The following ADAMTS18 variants were observed in gnomAD, a reference collection of about 807,000 sequenced individuals.
ADAMTS18 encodes A disintegrin and metalloproteinase with thrombospondin motifs 18.
In ADAMTS18, 157 loss-of-function variants were observed where a neutral mutation model predicts 165.9. That is an observed-to-expected ratio of 0.95 (90% CI 0.83 to 1.08). The LOEUF is 1.08. Among genes scored for constraint, ADAMTS18 ranks in the 50% least tolerant of loss-of-function variants. The pLI is 0.00. For missense variants in ADAMTS18, 2,040 were observed against 1,534.0 expected (o/e 1.33, Z -5.51); for synonymous variants, 782 against 578.2 (o/e 1.35, Z -5.06).
At chr16:77,382,167 G>A (rs1177655306) in intron 3 of ADAMTS18, among the ~76,000 whole-genome samples, 1 of 152,162 alleles carries the variant, frequency 6.6e-6, no homozygotes, top group Non-Finnish European at 1.5e-5. Context: ...CAGCCCCTGA[G>A]ATAGCCAAAT....
intron 4 of ADAMTS18, 136 bp downstream of exon 4, chr16:77,367,305 A>G (rs1010031499): frequency 1.2e-5 from 11 of 903,484 alleles, no homozygotes; most frequent in Non-Finnish European, 1.9e-5. Context: ...TGAGAGAGAT[A>G]ATTACTGGTC....
At chr16:77,434,528 G>A (rs1410770228) in intron 1 of ADAMTS18, 23 bp from the exon 2 acceptor site, 2 of 1,542,900 alleles carry the variant, frequency 1.3e-6, no homozygotes, top group Non-Finnish European at 1.7e-6. Context: ...AGGTGACATC[G>A]CGCGTGAGGG....
chr16:77,398,307 A>G (rs2057284329), intron 3 of ADAMTS18, among the ~76,000 whole-genome samples: 1 of 151,116 alleles, frequency 6.6e-6, no homozygotes, highest in South Asian at 2.1e-4. Flanking sequence ...ACAGAGAGAC[A>G]CTCTGTCTCA....
chr16:77,394,831 T>C (rs1597219508), intron 3 of ADAMTS18, among the ~76,000 whole-genome samples: 2 of 152,218 alleles, frequency 1.3e-5, no homozygotes, highest in East Asian at 3.9e-4. Flanking sequence ...GATGGTCCTT[T>C]AGCATCCGTG....
Position 77,393,045 on chromosome 16 carries a change from G to A in ADAMTS18, c.496-25322C>T, listed in dbSNP as rs368619610. 1.2e-3 allele frequency among the ~76,000 whole-genome samples: 189 copies of A among 152,310 alleles called. No individual in the cohort carries two copies. In the South Asian group the frequency reaches 0.02, roughly 16 times the overall value. On this transcript the variant is annotated intron_variant, in intron 3 of 22. Coordinates refer to ENST00000282849, the MANE Select transcript of ADAMTS18 (RefSeq NM_199355.4). The stretch of plus-strand genomic sequence containing the variant: ...ATGGGTACCATCAAAGGGTTAATGC[G>A]CTGGTCATGATTTCACTGAAAGTCA...
intron 13 of ADAMTS18, 144 bp from the exon 14 acceptor site, chr16:77,322,610 T>A: frequency 9.9e-7 from 1 of 1,010,978 alleles, no homozygotes; most frequent in Non-Finnish European, 1.5e-6. Context: ...TATAAGCCCA[T>A]ATGATGTGGC....
chr16:77,336,294 A>C (rs569765533), intron 11 of ADAMTS18, among the ~76,000 whole-genome samples: 1 of 152,184 alleles, frequency 6.6e-6, no homozygotes, highest in African/African-American at 2.4e-5. Context: ...ATTCAGGAAG[A>C]AACAGTTAAG....
intron 16 of ADAMTS18, among the ~76,000 whole-genome samples, chr16:77,305,828 C>G (rs569775836): frequency 3.9e-5 from 6 of 152,178 alleles, no homozygotes; most frequent in Non-Finnish European, 7.3e-5. Flanking sequence ...ATAGAACCAC[C>G]TAAGATGCTA....
chr16:77,364,889 TGAG>T (rs1465330842), intron 4 of ADAMTS18, among the ~76,000 whole-genome samples: 1 of 152,058 alleles, frequency 6.6e-6, no homozygotes, highest in Non-Finnish European at 1.5e-5. Flanking sequence ...GTGGATCACT[TGAG>T]GTCAGGAGTT....
intron 3 of ADAMTS18, among the ~76,000 whole-genome samples, chr16:77,387,796 C>T (rs1006743187): frequency 1.3e-5 from 2 of 152,176 alleles, no homozygotes; most frequent in Admixed American, 6.5e-5. Flanking sequence ...ATTTGTCCAT[C>T]GACAAGACTG....
intron 3 of ADAMTS18, among the ~76,000 whole-genome samples, chr16:77,429,595 A>G (rs935254373): frequency 4.6e-5 from 7 of 152,238 alleles, no homozygotes; most frequent in African/African-American, 1.7e-4. Flanking sequence ...AGTTTTAAAA[A>G]AAAATGGATA....
intron 12 of ADAMTS18, among the ~76,000 whole-genome samples, chr16:77,333,879 ATATTAG>A (rs2056232115): frequency 1.0e-5 from 1 of 99,888 alleles, no homozygotes; most frequent in African/African-American, 3.8e-5. Context: ...TATATATAGT[ATATTAG>A]TATATTAATA....
intron 11 of ADAMTS18, among the ~76,000 whole-genome samples, chr16:77,340,788 G>GA (rs2056386644): frequency 6.6e-6 from 1 of 151,890 alleles, no homozygotes; most frequent in Non-Finnish European, 1.5e-5. Flanking sequence ...ACCTGTTCTT[G>GA]AACTCCTGGC....
At chr16:77,321,660 C>T (rs546489222) in intron 14 of ADAMTS18, among the ~76,000 whole-genome samples, 15 of 152,280 alleles carry the variant, frequency 9.9e-5, no homozygotes, top group African/African-American at 3.4e-4. Flanking sequence ...TTTCAAAATA[C>T]ATTTGTGAGA....
intron 11 of ADAMTS18, among the ~76,000 whole-genome samples, chr16:77,336,264 A>C (rs2056309165): frequency 6.6e-6 from 1 of 152,184 alleles, no homozygotes; most frequent in African/African-American, 2.4e-5. Context: ...ACACTACTTA[A>C]AGAACAATTC....
At chr16:77,428,459 A>G (rs559097585) in intron 3 of ADAMTS18, among the ~76,000 whole-genome samples, 2 of 152,300 alleles carry the variant, frequency 1.3e-5, no homozygotes, top group African/African-American at 2.4e-5. Flanking sequence ...TGCAAACTAC[A>G]CCCATAATGT....
At chr16:77,425,200 T>C (rs1287394735) in intron 3 of ADAMTS18, among the ~76,000 whole-genome samples, 2 of 152,054 alleles carry the variant, frequency 1.3e-5, no homozygotes, top group Non-Finnish European at 2.9e-5. Context: ...AAAGATACAA[T>C]GGGGACATTA....
intron 3 of ADAMTS18, among the ~76,000 whole-genome samples, chr16:77,388,582 G>C (rs776460265): frequency 6.6e-6 from 1 of 152,216 alleles, no homozygotes; most frequent in Non-Finnish European, 1.5e-5. Context: ...ATTGAACACA[G>C]AATGAGGATA....
intron 3 of ADAMTS18, among the ~76,000 whole-genome samples, chr16:77,375,890 C>CTTTTTTTTTTTTTTTTTTTTTTTTTT (rs200629744): frequency 6.4e-5 from 6 of 93,902 alleles, no homozygotes; most frequent in Non-Finnish European, 1.2e-4. Context: ...TCTTTCTTTC[C>CTTTTTTTTTTTTTTTTTTTTTTTTTT]TTTTTTTTTT....
Sources: gnomAD v4.1 joint callset for allele counts (sites outside exome capture counted in the v4.1 genomes callset) on GRCh38, gnomAD v4.1.1 for gene constraint, MANE v1.5 for transcripts, NCBI Gene and HGNC (gene_info 2026-07-23, HGNC 2026-07-21) for gene names.